Variants in SEMA3D observed in about 807,000 individuals in gnomAD.
The protein encoded by SEMA3D is semaphorin-3D.
SEMA3D carries 84 observed loss-of-function variants against 100.1 expected under a neutral mutation model. The observed-to-expected ratio is 0.84, with a 90% CI of 0.70 to 1.01. The LOEUF (loss-of-function observed/expected upper bound fraction) is 1.01. Ranked by LOEUF, SEMA3D falls within the 50% of genes least tolerant of loss-of-function variation. SEMA3D has a pLI of 0.00. For missense variants in SEMA3D, 875 were observed against 934.1 expected (o/e 0.94, Z 0.82); for synonymous variants, 312 against 320.7 (o/e 0.97, Z 0.29).
At chr7:85,006,089 C>A (rs1789788439) in intron 18 of SEMA3D, among the ~76,000 whole-genome samples, 1 of 151,912 alleles carries the variant, frequency 6.6e-6, no homozygotes, top group African/African-American at 2.4e-5. Context: ...ATGTAAAATA[C>A]CCTCACTAAT....
chr7:85,018,282 G>A lies in SEMA3D; in HGVS notation c.1515C>T (p.Ile505=). Reference sequence around the variant, plus strand: ...TCAGAGACAATTCCATGTTCAAGATGATTGATGAGTGCTGAAAATAGAAGT... The same window carrying A: ...TCAGAGACAATTCCATGTTCAAGATAATTGATGAGTGCTGAAAATAGAAGT... The part of the protein sequence containing the change: ...EELQIFKHSS[I]ILNMELSLKQ... Residue 505 remains isoleucine (I), a synonymous_variant, in exon 15 of 19, where the codon ATC becomes ATT. Coordinates refer to ENST00000284136, the MANE Select transcript of SEMA3D (RefSeq NM_001384900.1). The A allele has an allele frequency of 6.3e-7, 1 of 1,591,834 alleles. No homozygotes were observed. The highest frequency in any genetic ancestry group is 8.6e-7 in the Non-Finnish European group (1 of 1,161,396).
chr7:85,104,394 T>C (rs559029137), intron 3 of SEMA3D, among the ~76,000 whole-genome samples: 1 of 152,210 alleles, frequency 6.6e-6, no homozygotes, highest in East Asian at 1.9e-4. Flanking sequence ...GCAAGCCTAA[T>C]AAAATGAATC....
At chr7:85,127,677 T>C (rs1342109772) in intron 2 of SEMA3D, among the ~76,000 whole-genome samples, 2 of 152,154 alleles carry the variant, frequency 1.3e-5, no homozygotes, top group Non-Finnish European at 2.9e-5. Flanking sequence ...TTTATTGATA[T>C]TCATTTTCCT....
intron 2 of SEMA3D, among the ~76,000 whole-genome samples, chr7:85,127,857 C>A (rs1425424219): frequency 6.6e-6 from 1 of 152,090 alleles, no homozygotes; most frequent in Non-Finnish European, 1.5e-5. Context: ...CCCTCGGGAG[C>A]ATTTTAACTC....
At chr7:85,217,368 C>T in the SEMA3D span, among the ~76,000 whole-genome samples, 2 of 151,956 alleles carry the variant, frequency 1.3e-5, no homozygotes, top group Non-Finnish European at 2.9e-5. Context: ...TACTCCTGGC[C>T]TCAAAAAAGA....
the SEMA3D span, among the ~76,000 whole-genome samples, chr7:85,227,443 C>T: frequency 0.061 from 9,223 of 152,088 alleles, 815 homozygotes; most frequent in African/African-American, 0.2. Context: ...CATGTGAGGG[C>T]ACAGACAGAA....
chr7:85,076,219 C>G (rs975864281), intron 5 of SEMA3D, among the ~76,000 whole-genome samples: 1 of 151,982 alleles, frequency 6.6e-6, no homozygotes, highest in African/African-American at 2.4e-5. Flanking sequence ...CATGGCTTTC[C>G]GTAGGCCCTA....
At chr7:85,074,086 G>T (rs1791853502) in intron 5 of SEMA3D, among the ~76,000 whole-genome samples, 1 of 152,084 alleles carries the variant, frequency 6.6e-6, no homozygotes, top group Non-Finnish European at 1.5e-5. Flanking sequence ...TCTTAACCGT[G>T]GCTTCATGAT....
At chr7:85,109,399 C>G (rs1219329732) in intron 3 of SEMA3D, among the ~76,000 whole-genome samples, 7 of 151,932 alleles carry the variant, frequency 4.6e-5, no homozygotes, top group Non-Finnish European at 8.8e-5. Flanking sequence ...CAAAAGGTCT[C>G]TACTTATATT....
At chr7:85,149,764 T>A (rs1790314538) in intron 2 of SEMA3D, among the ~76,000 whole-genome samples, 1 of 152,170 alleles carries the variant, frequency 6.6e-6, no homozygotes. Flanking sequence ...AACATTAGCA[T>A]CTAATAGTCT....
chr7:85,195,420 C>T, the SEMA3D span, among the ~76,000 whole-genome samples: 3 of 152,084 alleles, frequency 2.0e-5, no homozygotes, highest in Non-Finnish European at 2.9e-5. Context: ...TTTAATCTAA[C>T]TTTTTCTTTC....
At chr7:85,207,991 A>G in the SEMA3D span, among the ~76,000 whole-genome samples, 2 of 152,146 alleles carry the variant, frequency 1.3e-5, no homozygotes, top group South Asian at 4.1e-4. Context: ...GATATTGAAC[A>G]TGTCTTTCAA....
intron 4 of SEMA3D, among the ~76,000 whole-genome samples, chr7:85,093,661 A>G (rs1788466993): frequency 6.6e-6 from 1 of 152,086 alleles, no homozygotes; most frequent in Admixed American, 6.6e-5. Context: ...TGATAAAAGT[A>G]ATATAGTGGT....
the SEMA3D span, among the ~76,000 whole-genome samples, chr7:85,210,535 C>A: frequency 6.6e-6 from 1 of 151,942 alleles, no homozygotes; most frequent in African/African-American, 2.4e-5. Context: ...AAGCATAGGT[C>A]TGAAATGAAT....
intron 1 of SEMA3D, among the ~76,000 whole-genome samples, chr7:85,159,560 G>A (rs1012101753): frequency 9.2e-5 from 14 of 152,186 alleles, no homozygotes; most frequent in Non-Finnish European, 1.8e-4. Context: ...GGGGAGCCAT[G>A]TGTTGTTTTA....
intron 8 of SEMA3D, among the ~76,000 whole-genome samples, chr7:85,064,554 G>A (rs2116137617): frequency 6.6e-6 from 1 of 152,250 alleles, no homozygotes; most frequent in South Asian, 2.1e-4. Context: ...GGCACTGAGA[G>A]ATAGAGAGAT....
At chr7:85,190,990 G>C (rs1347531196), upstream of SEMA3D, among the ~76,000 whole-genome samples, 1 of 151,660 alleles carries the variant, frequency 6.6e-6, no homozygotes, top group African/African-American at 2.4e-5. Flanking sequence ...CCCTGCTATA[G>C]AGACTTTTCT....
the SEMA3D span, among the ~76,000 whole-genome samples, chr7:85,245,301 G>A: frequency 9.2e-5 from 14 of 152,312 alleles, no homozygotes; most frequent in African/African-American, 3.4e-4. Context: ...GCTGAGAATA[G>A]AGATTCAGTA....
intron 12 of SEMA3D, among the ~76,000 whole-genome samples, chr7:85,030,279 TATC>T (rs141936147): frequency 0.019 from 2,886 of 151,966 alleles, 97 homozygotes; most frequent in African/African-American, 0.066. Context: ...TAATAAAAAT[TATC>T]ATGCATTTAT....
Sources: gnomAD v4.1 joint callset for allele counts (sites outside exome capture counted in the v4.1 genomes callset) on GRCh38, gnomAD v4.1.1 for gene constraint, MANE v1.5 for transcripts, NCBI Gene and HGNC (gene_info 2026-07-23, HGNC 2026-07-21) for gene names.